The following C1orf21 variants were observed in gnomAD, a reference collection of about 807,000 sequenced individuals.
The protein encoded by C1orf21 is chromosome 1 open reading frame 21.
C1orf21 carries 3 observed loss-of-function variants against 18.7 expected under a neutral mutation model. The observed-to-expected ratio is 0.16, with a 90% CI of 0.07 to 0.42. The LOEUF (loss-of-function observed/expected upper bound fraction) is 0.42, where lower values mean the gene tolerates loss of function less well. C1orf21 is among the 10% of genes least tolerant of loss of function. The pLI, the probability that C1orf21 is intolerant of heterozygous loss-of-function variation, is 0.99. For missense variants in C1orf21, 104 were observed against 143.6 expected (o/e 0.72, Z 1.41); for synonymous variants, 41 against 46.4 (o/e 0.88, Z 0.47).
intron 3 of C1orf21, among the ~76,000 whole-genome samples, chr1:184,530,047 T>C (rs981225385): frequency 2.0e-5 from 3 of 152,206 alleles, no homozygotes; most frequent in Non-Finnish European, 2.9e-5. Context: ...TTAAATGAAC[T>C]GATGTCTCTA....
chr1:184,427,775 C>T (rs1311750862), intron 1 of C1orf21, among the ~76,000 whole-genome samples: 1 of 152,116 alleles, frequency 6.6e-6, no homozygotes, highest in Non-Finnish European at 1.5e-5. Context: ...TGCCATCGGC[C>T]TTGCTTGGAA....
At chr1:184,388,647 A>G (rs2102054760) in intron 1 of C1orf21, among the ~76,000 whole-genome samples, 2 of 148,624 alleles carry the variant, frequency 1.3e-5, no homozygotes, top group South Asian at 4.2e-4. Context: ...TTTTTGTAGG[A>G]GACTGTCCAG....
At position 184,622,486 on chromosome 1, in the gene C1orf21, G is replaced by C. The variant is rs1047245244; in HGVS notation, c.*2930G>C. 3 of 152,752 alleles carry C rather than the reference G, an allele frequency of 2.0e-5. No homozygotes were observed. The highest frequency in any genetic ancestry group is 4.8e-5 in the African/African-American group (2 of 41,468). 9.5% of individuals were successfully genotyped at this position (152,752 alleles called of 1,614,324 possible). ...TGGTTGGCAGAGATTCAGGATCATG[G>C]AGTACTGCTCTCATAATTGAAGACG... On this transcript the variant is annotated 3_prime_UTR_variant, in exon 6 of 6. Coordinates refer to ENST00000235307, the MANE Select transcript of C1orf21 (RefSeq NM_030806.4).
At chr1:184,558,742 T>A (rs1405684159) in intron 3 of C1orf21, among the ~76,000 whole-genome samples, 1 of 152,216 alleles carries the variant, frequency 6.6e-6, no homozygotes, top group Non-Finnish European at 1.5e-5. Context: ...ATAATAATAG[T>A]AACAGTAGCA....
intron 3 of C1orf21, among the ~76,000 whole-genome samples, chr1:184,514,882 AC>A (rs1355967745): frequency 6.6e-6 from 1 of 152,246 alleles, no homozygotes; most frequent in African/African-American, 2.4e-5. Context: ...GTTTTATTAA[AC>A]AAAATAAAAC....
chr1:184,480,519 A>G (rs1368633985), intron 2 of C1orf21, among the ~76,000 whole-genome samples: 3 of 152,166 alleles, frequency 2.0e-5, no homozygotes, highest in South Asian at 2.1e-4. Context: ...GGAAGACTCT[A>G]TTGTTCTAAA....
At chr1:184,445,477 T>C (rs1657016368) in intron 1 of C1orf21, among the ~76,000 whole-genome samples, 1 of 145,588 alleles carries the variant, frequency 6.9e-6, no homozygotes, top group Admixed American at 6.9e-5. Context: ...TTAATTTATC[T>C]GGACCTTTTT....
chr1:184,503,864 G>A (rs191242099), intron 2 of C1orf21, among the ~76,000 whole-genome samples: 9 of 152,200 alleles, frequency 5.9e-5, no homozygotes, highest in African/African-American at 1.9e-4. Context: ...GAATGAGTTT[G>A]GCATGTCAGG....
intron 3 of C1orf21, among the ~76,000 whole-genome samples, chr1:184,509,794 A>G (rs1339974862): frequency 6.6e-6 from 1 of 152,208 alleles, no homozygotes; most frequent in Non-Finnish European, 1.5e-5. Flanking sequence ...GTTTTTTAAA[A>G]GTTTATTTAA....
intron 1 of C1orf21, among the ~76,000 whole-genome samples, chr1:184,401,155 A>G (rs1298414959): frequency 2.0e-5 from 3 of 151,860 alleles, no homozygotes; most frequent in Non-Finnish European, 4.4e-5. Context: ...TTCTATGAAC[A>G]GTTTCTTCAT....
At chr1:184,521,638 T>C (rs61825201) in intron 3 of C1orf21, among the ~76,000 whole-genome samples, 2,023 of 152,306 alleles carry the variant, frequency 0.013, 16 homozygotes, top group Middle Eastern at 0.078. Flanking sequence ...GGATTTTTCT[T>C]TTAGGATGGT....
At chr1:184,420,333 T>G (rs1481347449) in intron 1 of C1orf21, among the ~76,000 whole-genome samples, 1 of 152,126 alleles carries the variant, frequency 6.6e-6, no homozygotes, top group East Asian at 1.9e-4. Context: ...GGCTGTGTGT[T>G]TTTAGATGGA....
At chr1:184,490,257 G>C (rs1657797638) in intron 2 of C1orf21, among the ~76,000 whole-genome samples, 1 of 152,236 alleles carries the variant, frequency 6.6e-6, no homozygotes, top group African/African-American at 2.4e-5. Flanking sequence ...GGTTAAACCT[G>C]GTCCCTGCCT....
chr1:184,599,232 A>C (rs1659555830), intron 5 of C1orf21: 1 of 152,252 alleles, frequency 6.6e-6, no homozygotes, highest in Non-Finnish European at 1.5e-5. Context: ...TTCTAAGTTC[A>C]GAACATATCA....
chr1:184,494,298 G>A (rs926079494), intron 2 of C1orf21, among the ~76,000 whole-genome samples: 2 of 152,208 alleles, frequency 1.3e-5, no homozygotes, highest in Non-Finnish European at 2.9e-5. Flanking sequence ...GTAGGGTGAT[G>A]GGTGACAAAC....
intron 3 of C1orf21, chr1:184,567,785 C>A: frequency 4.0e-6 from 1 of 248,760 alleles, no homozygotes; most frequent in South Asian, 5.3e-5. Flanking sequence ...AAGTTCAAGC[C>A]ATTTGAAACT....
intron 1 of C1orf21, among the ~76,000 whole-genome samples, chr1:184,418,307 C>T (rs1656491665): frequency 1.3e-5 from 2 of 152,186 alleles, no homozygotes; most frequent in South Asian, 4.1e-4. Context: ...GCAGCCTTGC[C>T]TCCTGGGCTC....
At chr1:184,472,630 A>G (rs924648670) in intron 1 of C1orf21, among the ~76,000 whole-genome samples, 2 of 152,134 alleles carry the variant, frequency 1.3e-5, no homozygotes, top group African/African-American at 4.8e-5. Context: ...TGCTTTTTTT[A>G]TTCCTTCCCA....
intron 3 of C1orf21, among the ~76,000 whole-genome samples, chr1:184,562,778 G>A (rs1658985167): frequency 6.6e-6 from 1 of 152,178 alleles, no homozygotes; most frequent in South Asian, 2.1e-4. Context: ...AAATTATTTT[G>A]TGTAGATGTA....
Sources: gnomAD v4.1 joint callset for allele counts (sites outside exome capture counted in the v4.1 genomes callset) on GRCh38, gnomAD v4.1.1 for gene constraint, MANE v1.5 for transcripts, NCBI Gene and HGNC (gene_info 2026-07-23, HGNC 2026-07-21) for gene names.